ZNF385B: variants seen among roughly 807,000 people sequenced by gnomAD.
ZNF385B encodes zinc finger protein 385B.
A neutral mutation model predicts 39.2 loss-of-function variants in ZNF385B; 23 were observed. That is an observed-to-expected ratio of 0.59 (90% CI 0.42 to 0.83). The LOEUF (loss-of-function observed/expected upper bound fraction) is 0.83, where lower values mean the gene tolerates loss of function less well. Among genes scored for constraint, ZNF385B ranks in the 40% least tolerant of loss-of-function variants. ZNF385B has a pLI of 0.00. For synonymous variants in ZNF385B, 205 were observed against 222.6 expected (o/e 0.92, Z 0.70); for missense variants, 552 against 598.9 (o/e 0.92, Z 0.82).
chr2:179,560,361 T>A (rs1459790321), intron 3 of ZNF385B, among the ~76,000 whole-genome samples: 2 of 152,218 alleles, frequency 1.3e-5, no homozygotes, highest in Non-Finnish European at 2.9e-5. Context: ...TCAAACAGAC[T>A]GTTAAGTTCC....
chr2:179,722,427 A>C (rs1406356912), intron 3 of ZNF385B, among the ~76,000 whole-genome samples: 1 of 152,182 alleles, frequency 6.6e-6, no homozygotes, highest in Non-Finnish European at 1.5e-5. Context: ...TAGAGTATAA[A>C]AAGAAACTTG....
intron 3 of ZNF385B, among the ~76,000 whole-genome samples, chr2:179,755,982 T>G (rs1254395609): frequency 6.6e-6 from 1 of 152,240 alleles, no homozygotes; most frequent in South Asian, 2.1e-4. Flanking sequence ...ATTATGATGT[T>G]AGCTGGTTAT....
intron 3 of ZNF385B, among the ~76,000 whole-genome samples, chr2:179,761,533 A>T (rs935196523): frequency 2.0e-5 from 3 of 151,900 alleles, no homozygotes; most frequent in Non-Finnish European, 4.4e-5. Context: ...GCATTTTAAA[A>T]TTTTGATTTC....
chr2:179,562,353 A>T (rs1290521470), intron 3 of ZNF385B: 2 of 972,838 alleles, frequency 2.1e-6, no homozygotes, highest in African/African-American at 3.5e-5. Context: ...ATATTTCATA[A>T]GAAAGTTCCT....
chr2:179,513,796 A>G (rs948699465), intron 5 of ZNF385B, among the ~76,000 whole-genome samples: 1 of 152,228 alleles, frequency 6.6e-6, no homozygotes. Flanking sequence ...CTTATCATAC[A>G]GGAGGAGTTC....
chr2:179,845,727 G>A (rs1289190852), intron 1 of ZNF385B, among the ~76,000 whole-genome samples: 1 of 152,082 alleles, frequency 6.6e-6, no homozygotes, highest in East Asian at 1.9e-4. Flanking sequence ...TCACTATTTG[G>A]GAGATCCTAG....
chr2:179,648,083 G>A (rs1366202892), intron 3 of ZNF385B, among the ~76,000 whole-genome samples: 1 of 152,104 alleles, frequency 6.6e-6, no homozygotes, highest in Non-Finnish European at 1.5e-5. Flanking sequence ...ACACATGGGG[G>A]CAACCCGAGT....
At chr2:179,719,439 T>A (rs1700542321) in intron 3 of ZNF385B, among the ~76,000 whole-genome samples, 1 of 152,208 alleles carries the variant, frequency 6.6e-6, no homozygotes, top group South Asian at 2.1e-4. Flanking sequence ...CTTTGTAAGC[T>A]GACATTTTAC....
intron 3 of ZNF385B, among the ~76,000 whole-genome samples, chr2:179,614,110 G>T (rs1689531922): frequency 6.6e-6 from 1 of 150,748 alleles, no homozygotes; most frequent in African/African-American, 2.4e-5. Flanking sequence ...GGTGGTGCTG[G>T]CTACTCAAGA....
chr2:179,682,245 C>T (rs533767877), intron 3 of ZNF385B, among the ~76,000 whole-genome samples: 1 of 152,300 alleles, frequency 6.6e-6, no homozygotes, highest in Non-Finnish European at 1.5e-5. Flanking sequence ...TCTTCTCTTT[C>T]AGCAGATCCA....
intron 1 of ZNF385B, among the ~76,000 whole-genome samples, chr2:179,816,557 G>T (rs980738648): frequency 6.6e-6 from 1 of 152,142 alleles, no homozygotes; most frequent in Non-Finnish European, 1.5e-5. Flanking sequence ...GGCTTCCTGG[G>T]AAGAGGGCAG....
intron 3 of ZNF385B, among the ~76,000 whole-genome samples, chr2:179,654,667 T>A (rs1239907959): frequency 6.6e-6 from 1 of 152,214 alleles, no homozygotes; most frequent in Non-Finnish European, 1.5e-5. Context: ...CTTTTAGATT[T>A]CCAGGTTTGG....
At chr2:179,487,302 C>G (rs559307037) in intron 5 of ZNF385B, among the ~76,000 whole-genome samples, 3 of 152,342 alleles carry the variant, frequency 2.0e-5, no homozygotes, top group Non-Finnish European at 4.4e-5. Flanking sequence ...CTTTTATTGA[C>G]TGTTGTTTGG....
At chr2:179,606,596 A>G (rs914159203) in intron 3 of ZNF385B, among the ~76,000 whole-genome samples, 1 of 152,130 alleles carries the variant, frequency 6.6e-6, no homozygotes, top group Non-Finnish European at 1.5e-5. Flanking sequence ...CATGCACATA[A>G]TTTAAAATTT....
chr2:179,562,090 T>C (rs2061370648), intron 3 of ZNF385B, among the ~76,000 whole-genome samples: 1 of 152,174 alleles, frequency 6.6e-6, no homozygotes. Flanking sequence ...TTTTACCTAG[T>C]AGTTATTCCC....
intron 1 of ZNF385B, among the ~76,000 whole-genome samples, chr2:179,836,289 T>C (rs1708241001): frequency 2.0e-5 from 3 of 152,184 alleles, no homozygotes; most frequent in Admixed American, 6.5e-5. Flanking sequence ...GTAAGCCCAA[T>C]CCTCAGTTTA....
intron 3 of ZNF385B, among the ~76,000 whole-genome samples, chr2:179,656,854 G>A (rs755504738): frequency 2.4e-4 from 36 of 152,232 alleles, no homozygotes; most frequent in Non-Finnish European, 4.4e-4. Context: ...CAATGAATAT[G>A]TATGATTTAG....
intron 1 of ZNF385B, among the ~76,000 whole-genome samples, chr2:179,794,637 G>C (rs775910593): frequency 6.6e-5 from 10 of 152,168 alleles, no homozygotes; most frequent in Non-Finnish European, 1.3e-4. Flanking sequence ...CGTAGAGATA[G>C]GAAAGAGAAA....
At chr2:179,485,148 T>C (rs2054432531) in intron 5 of ZNF385B, among the ~76,000 whole-genome samples, 1 of 152,110 alleles carries the variant, frequency 6.6e-6, no homozygotes, top group South Asian at 2.1e-4. Context: ...AGAAAAGAGA[T>C]GACACAGAAA....
Sources: allele counts gnomAD v4.1 joint callset (sites outside exome capture counted in the v4.1 genomes callset), GRCh38; gene constraint gnomAD v4.1.1; transcripts MANE v1.5; gene names NCBI Gene and HGNC (gene_info 2026-07-23, HGNC 2026-07-21).